NFASC: variants seen among roughly 807,000 people sequenced by gnomAD.
The protein encoded by NFASC is neurofascin homolog.
In NFASC, 43 loss-of-function variants were observed where a neutral mutation model predicts 147.5. The ratio of observed to expected loss-of-function variants is 0.29; its 90% CI spans 0.23 to 0.38. The LOEUF (loss-of-function observed/expected upper bound fraction) is 0.38, where lower values mean the gene tolerates loss of function less well. NFASC is among the 10% of genes least tolerant of loss of function. The pLI is 1.00. For missense variants in NFASC, 1,320 were observed against 1,689.0 expected (o/e 0.78, Z 3.83); for synonymous variants, 622 against 665.5 (o/e 0.93, Z 1.01).
At chr1:204,877,068 T>TTATATATATATAATATATTTATTTTTA (rs2079137944) in intron 1 of NFASC, among the ~76,000 whole-genome samples, 1 of 93,768 alleles carries the variant, frequency 1.1e-5, no homozygotes, top group African/African-American at 5.2e-5. Flanking sequence ...ATTTATATAT[T>TTATATATATATAATATATTTATTTTTA]TATATATATA....
At position 204,987,288 on chromosome 1, in the gene NFASC, G is replaced by A; in HGVS notation, c.2471-130G>A. The stretch of plus-strand genomic sequence containing the variant: ...CGTCTCACGGTTCTCCCAGGCTTCA[G>A]TTTAGCAGTGTCGAGCATGGGGGTT... On this transcript the variant is annotated intron_variant, in intron 21 of 29. Transcript: ENST00000339876. The surrounding 1 kb of genome is among the most constrained non-coding windows in gnomAD (Gnocchi z 4.4). 1.2e-6 allele frequency: 1 copy of A among 850,788 alleles called. No individual in the cohort carries two copies. Among genetic ancestry groups the A allele is most frequent in the Non-Finnish European group, 1.9e-6 (1 of 539,348 alleles). 52.7% of individuals were successfully genotyped at this position (850,788 alleles called of 1,614,324 possible).
chr1:204,849,231 C>A (rs886083553), intron 1 of NFASC, among the ~76,000 whole-genome samples: 1 of 152,204 alleles, frequency 6.6e-6, no homozygotes, highest in Middle Eastern at 3.2e-3. Context: ...TCTGCTGGGG[C>A]CTTGAGTTAT....
At chr1:204,897,101 A>C (rs2149124481) in intron 1 of NFASC, among the ~76,000 whole-genome samples, 1 of 150,186 alleles carries the variant, frequency 6.7e-6, no homozygotes, top group South Asian at 2.1e-4. Flanking sequence ...TGTGCATTTT[A>C]ACAAGGTCAC....
At chr1:204,961,719 C>A (rs187987881) in intron 8 of NFASC, among the ~76,000 whole-genome samples, 1 of 152,372 alleles carries the variant, frequency 6.6e-6, no homozygotes, top group African/African-American at 2.4e-5. Context: ...GACCCAGAGT[C>A]CTGGGAACTG....
chr1:205,000,706 A>AG, intron 25 of NFASC: 1 of 185,642 alleles, frequency 5.4e-6, no homozygotes, highest in Non-Finnish European at 1.1e-5. Flanking sequence ...GGGGGCCTGT[A>AG]ATCTCAGCTA....
intron 21 of NFASC, among the ~76,000 whole-genome samples, chr1:204,984,485 G>T (rs1197296819): frequency 6.6e-6 from 1 of 150,930 alleles, no homozygotes; most frequent in Non-Finnish European, 1.5e-5. Flanking sequence ...GGTGGGTTTG[G>T]GTTGGTGTTG....
intron 28 of NFASC, among the ~76,000 whole-genome samples, chr1:205,012,537 G>C (rs550706655): frequency 4.4e-4 from 67 of 152,298 alleles, no homozygotes; most frequent in Non-Finnish European, 8.2e-4. Context: ...GTGGTGGGGG[G>C]AGCTTGGTAG....
chr1:205,004,989 G>C (rs999085556), intron 27 of NFASC, among the ~76,000 whole-genome samples: 2 of 152,204 alleles, frequency 1.3e-5, no homozygotes, highest in African/African-American at 4.8e-5. Context: ...TGCTGGGGGC[G>C]GGATGGGGTA....
intron 1 of NFASC, among the ~76,000 whole-genome samples, chr1:204,905,468 C>A (rs918507584): frequency 6.6e-6 from 1 of 151,758 alleles, no homozygotes; most frequent in African/African-American, 2.4e-5. Context: ...CTTTGAACGT[C>A]TTTTTATATG....
chr1:205,016,530 T>C lies in NFASC; in HGVS notation c.3714T>C (p.Ser1238=). 2 of 1,613,112 alleles carry C rather than the reference T, an allele frequency of 1.2e-6. No individual in the cohort carries two copies. Among genetic ancestry groups the C allele is most frequent in the Non-Finnish European group, 1.7e-6 (2 of 1,179,212 alleles). Residue 1238 remains serine, a synonymous_variant, in exon 30 of 30, where the codon TCT becomes TCC. Coordinates refer to ENST00000339876, the MANE Select transcript of NFASC (RefSeq NM_001005388.3). The surrounding 1 kb of genome is among the most constrained non-coding windows in gnomAD (Gnocchi z 5.1). ...CGTCACCTGTCAATGCTATCTACTCTCTGGCCTAACGGAGCCCACCCAGGC... is the reference window on the plus strand; with the variant it reads ...CGTCACCTGTCAATGCTATCTACTCCCTGGCCTAACGGAGCCCACCCAGGC... ...EATSPVNAIY[S]LA
At chr1:204,925,975 G>C (rs1310653997) in intron 2 of NFASC, among the ~76,000 whole-genome samples, 1 of 152,172 alleles carries the variant, frequency 6.6e-6, no homozygotes, top group African/African-American at 2.4e-5. Flanking sequence ...CAGGGAGGGA[G>C]AGGTTTCTGG....
At chr1:204,891,339 G>C (rs1343238170) in intron 1 of NFASC, among the ~76,000 whole-genome samples, 1 of 152,126 alleles carries the variant, frequency 6.6e-6, no homozygotes, top group African/African-American at 2.4e-5. Flanking sequence ...ACTGTTGCTA[G>C]GGACAGTGCA....
chr1:204,898,823 C>A (rs553728838), intron 1 of NFASC, among the ~76,000 whole-genome samples: 2 of 152,134 alleles, frequency 1.3e-5, no homozygotes, highest in Admixed American at 6.5e-5. Context: ...ACTAATTGGC[C>A]GACCCAGTCA....
intron 1 of NFASC, among the ~76,000 whole-genome samples, chr1:204,854,930 T>C (rs1441922915): frequency 6.6e-6 from 1 of 152,262 alleles, no homozygotes; most frequent in Non-Finnish European, 1.5e-5. Flanking sequence ...ACCCAGCTCA[T>C]CACGCAGTGA....
intron 1 of NFASC, among the ~76,000 whole-genome samples, chr1:204,839,361 C>T (rs889084281): frequency 9.0e-5 from 13 of 144,330 alleles, no homozygotes; most frequent in Admixed American, 1.4e-4. Flanking sequence ...AAGGCAGGCA[C>T]GTATGAAACA....
In NFASC at chr1:204,954,209, C is replaced by G; in HGVS notation, c.237C>G (p.Ser79Arg). Residue 79 changes from serine to arginine, a missense_variant, in exon 6 of 30, where the codon AGC becomes AGG. Physicochemically the swap from Ser to Arg is moderately radical, Grantham distance 110. Transcript: ENST00000339876. The surrounding 1 kb of genome is among the most constrained non-coding windows in gnomAD (Gnocchi z 5.7). Reference sequence around the variant, plus strand: ...ACAGCTTCCACTGGACACGAAACAGCAGATTCTTCAACATCGCCAAGGACC... The same window carrying G: ...ACAGCTTCCACTGGACACGAAACAGGAGATTCTTCAACATCGCCAAGGACC... ...PAPSFHWTRN[S>R]RFFNIAKDPR... 1 of 1,614,196 alleles carries G rather than the reference C, an allele frequency of 6.2e-7. No homozygotes were observed. The highest frequency in any genetic ancestry group is 8.5e-7 in the Non-Finnish European group (1 of 1,180,034).
rs141939311 is a variant in NFASC at position 204,843,587 on chromosome 1, T to TCTTC, written c.-200+14844_-200+14847dup. On this transcript the variant is annotated intron_variant, in intron 1 of 29. Transcript: ENST00000339876. Reference sequence around the variant, plus strand: ...TCCCTTCTCTCCTTCCTTCTTTCCTTCTTCCTTCCTTCCTTCCTTCCTTCC... The same window carrying TCTTC: ...TCCCTTCTCTCCTTCCTTCTTTCCTTCTTCCTTCCTTCCTTCCTTCCTTCCTTCC... Among the ~76,000 whole-genome samples, 1,177 of 120,418 alleles carry TCTTC rather than the reference T, an allele frequency of 9.8e-3. 19 individuals carry two copies. The highest frequency in any genetic ancestry group is 0.013 in the Non-Finnish European group (776 of 58,776). The allele number at this position is 120,418 out of a possible 152,430, so 79.0% of individuals were successfully genotyped here.
chr1:204,935,838 A>G (rs1329981709), intron 2 of NFASC, among the ~76,000 whole-genome samples: 4 of 152,260 alleles, frequency 2.6e-5, no homozygotes, highest in East Asian at 3.9e-4. Flanking sequence ...CCCGTGCATC[A>G]TGGCCACTGG....
chr1:204,839,131 A>G (rs550016729), intron 1 of NFASC, among the ~76,000 whole-genome samples: 40 of 152,290 alleles, frequency 2.6e-4, no homozygotes, highest in Admixed American at 2.2e-3. Context: ...GTTTTCTCCA[A>G]TAGAATCTCA....
Sources: gnomAD v4.1 joint callset for allele counts (sites outside exome capture counted in the v4.1 genomes callset) on GRCh38, gnomAD v4.1.1 for gene constraint, Gnocchi (gnomAD v3.1) non-coding constraint, MANE v1.5 for transcripts, NCBI Gene and HGNC (gene_info 2026-07-23, HGNC 2026-07-21) for gene names.